Variants in CCDC171 observed in about 807,000 individuals in gnomAD.
CCDC171 encodes coiled-coil domain containing 171.
A neutral mutation model predicts 168.2 loss-of-function variants in CCDC171; 177 were observed. The ratio of observed to expected loss-of-function variants is 1.05; its 90% CI spans 0.93 to 1.19. The LOEUF is 1.19. CCDC171 is among the 50% of genes most tolerant of loss of function. The pLI is 0.00. For synonymous variants in CCDC171, 687 were observed against 540.8 expected, an observed-to-expected ratio of 1.27 and a Z score of -3.75; for missense variants, 1,991 against 1,539.0, an observed-to-expected ratio of 1.29 and a Z score of -4.91.
rs2061079480 is a variant in CCDC171, at chr9:15,850,477, C to G, written c.3468+1530C>G. 2.6e-5 allele frequency among the ~76,000 whole-genome samples: 4 copies of G among 151,938 alleles called. No homozygotes were observed. In the South Asian group the frequency reaches 8.3e-4, roughly 31 times the overall value. ...AAAGAAAGCTGTCTGTAAATCTGGT[C>G]TATAGCCATTGTAGATTTGCTTTTG... is the stretch of plus-strand genomic sequence containing the variant. On this transcript the variant is annotated intron_variant, in intron 23 of 25. Transcript: ENST00000380701.
intron 6 of CCDC171, among the ~76,000 whole-genome samples, chr9:15,615,871 T>G (rs2044043931): frequency 1.3e-5 from 2 of 151,844 alleles, no homozygotes; most frequent in Admixed American, 6.6e-5. Flanking sequence ...CTCTGCCTCC[T>G]AGGCACAAGT....
At chr9:15,704,393 T>A (rs1453816771) in intron 11 of CCDC171, among the ~76,000 whole-genome samples, 2 of 152,196 alleles carry the variant, frequency 1.3e-5, no homozygotes, top group African/African-American at 4.8e-5. Flanking sequence ...TTCTGTTATC[T>A]TGGGAAGAAT....
At chr9:15,976,382 T>A (rs1237195229), downstream of CCDC171, among the ~76,000 whole-genome samples, 1 of 152,144 alleles carries the variant, frequency 6.6e-6, no homozygotes, top group Non-Finnish European at 1.5e-5. Context: ...CTTCTAAATA[T>A]AATAAACAGT....
chr9:15,727,764 T>C (rs2053901621), intron 14 of CCDC171, 105 bp from the exon 15 acceptor site: 1 of 785,732 alleles, frequency 1.3e-6, no homozygotes. Flanking sequence ...GTATTGTAAT[T>C]CCTTTTCAGG....
At chr9:15,594,562 A>T (rs896937487) in intron 6 of CCDC171, among the ~76,000 whole-genome samples, 10 of 152,184 alleles carry the variant, frequency 6.6e-5, no homozygotes, top group Non-Finnish European at 1.5e-4. Context: ...TTTAAGAAGT[A>T]CAAATTCTTA....
intron 7 of CCDC171, among the ~76,000 whole-genome samples, chr9:15,632,237 G>C (rs2045775604): frequency 6.8e-6 from 1 of 146,164 alleles, no homozygotes; most frequent in Admixed American, 7.1e-5. Context: ...AATTGTCCCT[G>C]TTTGCAGACA....
chr9:15,924,481 T>C (rs1285130824), intron 25 of CCDC171, among the ~76,000 whole-genome samples: 1 of 151,224 alleles, frequency 6.6e-6, no homozygotes, highest in Non-Finnish European at 1.5e-5. Flanking sequence ...ATAACCATTA[T>C]CTTGATAGAA....
At chr9:15,800,271 A>G (rs1378323939) in intron 21 of CCDC171, among the ~76,000 whole-genome samples, 1 of 151,986 alleles carries the variant, frequency 6.6e-6, no homozygotes. Context: ...TTGTGCATCC[A>G]TTTGTTACTC....
the CCDC171 span, among the ~76,000 whole-genome samples, chr9:16,096,170 A>T: frequency 3.1e-4 from 47 of 152,296 alleles, no homozygotes; most frequent in African/African-American, 1.1e-3. Flanking sequence ...AGAATGAATT[A>T]TTAAATGAGA....
intron 3 of CCDC171, among the ~76,000 whole-genome samples, chr9:16,003,069 G>A (rs916489929): frequency 6.6e-6 from 1 of 152,248 alleles, no homozygotes; most frequent in East Asian, 1.9e-4. Flanking sequence ...TGTTCATACT[G>A]CTTACTCACC....
downstream of CCDC171, among the ~76,000 whole-genome samples, chr9:16,062,644 CT>C (rs1234875008): frequency 6.6e-6 from 1 of 152,172 alleles, no homozygotes; most frequent in Non-Finnish European, 1.5e-5. Flanking sequence ...TCCACAAAGG[CT>C]TTTTGAGTAC....
In CCDC171 at chr9:15,882,454, A is replaced by G. The variant is rs1004136631; in HGVS notation, c.3600+7791A>G. Among the ~76,000 whole-genome samples, 3 of 151,960 alleles carry G rather than the reference A, an allele frequency of 2.0e-5. No individual in the cohort carries two copies. In the East Asian group the frequency reaches 5.8e-4, roughly 29 times the overall value. On this transcript the variant is annotated intron_variant, in intron 24 of 25. Transcript: ENST00000380701. ...AAGCTTTTTAACTTGATGTAATCCC[A>G]TTTTTCTATTTTTGGCTTGGTTGTC...
intron 21 of CCDC171, chr9:15,845,616 C>T (rs537856414): frequency 1.3e-5 from 2 of 151,958 alleles, no homozygotes; most frequent in South Asian, 2.1e-4. Flanking sequence ...GAAATTATAA[C>T]ATTTTTGTTT....
rs1463426208 is a variant in CCDC171 at position 15,777,673 on chromosome 9, A to C, written c.2745A>C (p.Lys915Asn). The C allele has an allele frequency of 1.2e-6, 2 of 1,613,924 alleles. No individual in the cohort carries two copies. The highest frequency in any genetic ancestry group is 1.3e-5 in the African/African-American group (1 of 74,904). The change falls in exon 19 of 26, where the codon AAA becomes AAC. Residue 915 changes from lysine (K) to asparagine (N), a missense_variant. Physicochemically the swap from Lys to Asn is moderately conservative, Grantham distance 94. Transcript: ENST00000380701. ...AKNSFAKLMD[K>N]ISLVMECIPL... is the part of the protein sequence containing the mutation. The stretch of plus-strand genomic sequence containing the variant: ...ATTCTTTTGCAAAACTCATGGATAA[A>C]ATTAGTCTGGTAATGGAATGTATAC...
chr9:15,987,143 A>G (rs767457164), intron 3 of CCDC171, among the ~76,000 whole-genome samples: 14 of 152,222 alleles, frequency 9.2e-5, no homozygotes, highest in Admixed American at 7.2e-4. Flanking sequence ...AAAATTTACT[A>G]TACACAAATT....
At chr9:16,083,535 G>A in the CCDC171 span, among the ~76,000 whole-genome samples, 1 of 152,148 alleles carries the variant, frequency 6.6e-6, no homozygotes, top group Non-Finnish European at 1.5e-5. Context: ...ACCATTGTTG[G>A]AAAGTGATAT....
At position 15,657,202 on chromosome 9, in the gene CCDC171, A is replaced by T. The variant is rs958741568; in HGVS notation, c.898A>T (p.Asn300Tyr). Residue 300 changes from asparagine (N) to tyrosine (Y), a missense_variant, in exon 8 of 26, where the codon AAT becomes TAT. By Grantham distance (143) the Asn-to-Tyr change is moderately radical. Transcript: ENST00000380701. ...ERAAHLESKF[N>Y]SEIIQLRIRD... ...AGCAGCGCATTTGGAATCAAAATTT[A>T]ATTCTGAAATTATTCAGGTAAAATG... The T allele has an allele frequency of 1.2e-6, 2 of 1,604,032 alleles. No individual in the cohort carries two copies. Among genetic ancestry groups the T allele is most frequent in the African/African-American group, 1.3e-5 (1 of 74,732 alleles).
At chr9:15,945,346 G>A (rs1382991103) in intron 25 of CCDC171, among the ~76,000 whole-genome samples, 6 of 146,718 alleles carry the variant, frequency 4.1e-5, no homozygotes, top group African/African-American at 1.2e-4. Context: ...ACATAGGTGT[G>A]CATGTGTCTT....
At chr9:16,104,264 C>A in the CCDC171 span, among the ~76,000 whole-genome samples, 1 of 152,152 alleles carries the variant, frequency 6.6e-6, no homozygotes, top group East Asian at 1.9e-4. Context: ...CTAAGCTCCC[C>A]CTTCCCAGCT....
Sources: gnomAD v4.1 joint callset for allele counts (sites outside exome capture counted in the v4.1 genomes callset) on GRCh38, gnomAD v4.1.1 for gene constraint, MANE v1.5 for transcripts, NCBI Gene and HGNC (gene_info 2026-07-23, HGNC 2026-07-21) for gene names.